Variants in PYGO1 observed in about 807,000 individuals in gnomAD.
The protein encoded by PYGO1 is pygopus family PHD finger 1.
In PYGO1, 6 loss-of-function variants were observed where a neutral mutation model predicts 29.5. That is an observed-to-expected ratio of 0.20 (90% CI 0.11 to 0.40). The LOEUF (loss-of-function observed/expected upper bound fraction) is 0.40. PYGO1 is among the 10% of genes least tolerant of loss of function. The probability of loss-of-function intolerance (pLI) is 1.00; values close to 1 mark genes in which losing one functional copy is unlikely to be tolerated. For missense variants in PYGO1, 515 were observed against 514.9 expected (o/e 1.00, Z 0.00); for synonymous variants, 186 against 180.5 (o/e 1.03, Z -0.24).
At position 55,543,079 on chromosome 15, in the gene PYGO1, GT is replaced by G. The variant is rs2058835125; in HGVS notation, c.*2943del. ...GGATGTTGGAGAAACTGTGGGGGGT[GT>G]GTGTGTGTGTGTGTGTGTGTAAGAT... On this transcript the variant is annotated 3_prime_UTR_variant, in exon 3 of 3. Coordinates refer to ENST00000563719, the MANE Select transcript of PYGO1 (RefSeq NM_001367806.1). 7.3e-6 allele frequency: 1 copy of G among 136,958 alleles called. No homozygotes were observed. Among genetic ancestry groups the G allele is most frequent in the Admixed American group, 7.0e-5 (1 of 14,304 alleles). The allele number at this position is 136,958 out of a possible 1,614,324, so 8.5% of individuals were successfully genotyped here.
chr15:55,554,728 T>C (rs1049643913), intron 1 of PYGO1, among the ~76,000 whole-genome samples: 1 of 152,068 alleles, frequency 6.6e-6, no homozygotes, highest in East Asian at 1.9e-4. Context: ...ATGATGTAAT[T>C]ACAAGTGTCA....
At chr15:55,576,936 T>C (rs531382642) in intron 1 of PYGO1, among the ~76,000 whole-genome samples, 1 of 151,462 alleles carries the variant, frequency 6.6e-6, no homozygotes, top group African/African-American at 2.4e-5. Flanking sequence ...AAGGGAAAGG[T>C]CAAGCTGAGA....
intron 1 of PYGO1, among the ~76,000 whole-genome samples, chr15:55,568,443 G>T (rs1046646278): frequency 6.6e-6 from 1 of 150,798 alleles, no homozygotes; most frequent in African/African-American, 2.4e-5. Context: ...GTTTTTGAAC[G>T]TTGATTTTGT....
chr15:55,546,054 A>G lies in PYGO1; in HGVS notation c.1229T>C (p.Phe410Ser), dbSNP rs952820470. 5.6e-6 allele frequency: 9 copies of G among 1,612,564 alleles called. No homozygotes were observed. In the Admixed American group the frequency reaches 1.5e-4, roughly 27 times the overall value. The part of the protein sequence containing the change: ...DVQLMRTRET[F>S]GPSAVGSDA ...ATCACTGCCCACTGCAGATGGACCA[A>G]AAGTTTCTCTAGTACGCATTAACTG... is the stretch of plus-strand genomic sequence containing the variant. Residue 410 changes from phenylalanine to serine, a missense_variant, in exon 3 of 3, where the codon TTT (phenylalanine) becomes TCT (serine). Coordinates refer to ENST00000563719, the MANE Select transcript of PYGO1 (RefSeq NM_001367806.1).
chr15:55,574,681 G>A (rs546381436), intron 1 of PYGO1, among the ~76,000 whole-genome samples: 2 of 151,366 alleles, frequency 1.3e-5, no homozygotes, highest in African/African-American at 2.4e-5. Flanking sequence ...TGTATGATAC[G>A]TAAACATATC....
chr15:55,565,443 C>T (rs1483109377), intron 1 of PYGO1, among the ~76,000 whole-genome samples: 1 of 152,010 alleles, frequency 6.6e-6, no homozygotes, highest in Non-Finnish European at 1.5e-5. Flanking sequence ...GTGGCTCATG[C>T]CTGTAATCCT....
chr15:55,587,366 T>C (rs1194727817), intron 1 of PYGO1, among the ~76,000 whole-genome samples: 2 of 143,284 alleles, frequency 1.4e-5, no homozygotes, highest in Non-Finnish European at 3.0e-5. Flanking sequence ...TTTGTTGCCT[T>C]TGCCGGGGTG....
At chr15:55,587,551 C>T (rs995033177) in intron 1 of PYGO1, among the ~76,000 whole-genome samples, 5 of 151,420 alleles carry the variant, frequency 3.3e-5, no homozygotes, top group Non-Finnish European at 7.4e-5. Flanking sequence ...GTCTTGAGAA[C>T]GAGGAGAGGT....
At chr15:55,572,701 A>T (rs925058202) in intron 1 of PYGO1, among the ~76,000 whole-genome samples, 1 of 152,138 alleles carries the variant, frequency 6.6e-6, no homozygotes, top group Non-Finnish European at 1.5e-5. Flanking sequence ...AAGCAAAAAC[A>T]ATGCTTAATC....
intron 1 of PYGO1, among the ~76,000 whole-genome samples, chr15:55,556,172 G>C (rs532213226): frequency 6.6e-6 from 1 of 152,238 alleles, no homozygotes; most frequent in East Asian, 1.9e-4. Flanking sequence ...GATATATACA[G>C]AATTTTCCAC....
intron 1 of PYGO1, among the ~76,000 whole-genome samples, chr15:55,554,195 T>C (rs1320204943): frequency 2.0e-5 from 3 of 151,934 alleles, no homozygotes; most frequent in Non-Finnish European, 2.9e-5. Context: ...ATGGGCACAG[T>C]GGCTCATGCC....
At chr15:55,548,521 C>T (rs973503400) in intron 2 of PYGO1, among the ~76,000 whole-genome samples, 1 of 151,300 alleles carries the variant, frequency 6.6e-6, no homozygotes, top group Non-Finnish European at 1.5e-5. Flanking sequence ...TCCTGATCAA[C>T]ATGGTGAAAG....
intron 1 of PYGO1, 25 bp downstream of exon 1, chr15:55,587,810 C>A: frequency 6.7e-7 from 1 of 1,482,190 alleles, no homozygotes; most frequent in Non-Finnish European, 8.9e-7. Context: ...CCCGGTTCCC[C>A]CAATCCGGCA....
At chr15:55,548,143 C>T (rs954691879) in intron 2 of PYGO1, among the ~76,000 whole-genome samples, 8 of 152,012 alleles carry the variant, frequency 5.3e-5, no homozygotes, top group South Asian at 2.1e-4. Context: ...CCTCAGCCTC[C>T]GCAATAGCTG....
chr15:55,556,014 T>G (rs561065396), intron 1 of PYGO1, among the ~76,000 whole-genome samples: 2 of 152,078 alleles, frequency 1.3e-5, no homozygotes, highest in South Asian at 4.2e-4. Flanking sequence ...AGCAAGTTTT[T>G]AGAGACCTAC....
intron 1 of PYGO1, among the ~76,000 whole-genome samples, chr15:55,568,320 C>CTGTGTGTGGGTGTG (rs2058965640): frequency 7.9e-6 from 1 of 125,828 alleles, no homozygotes; most frequent in African/African-American, 3.2e-5. Context: ...TTCCTAGGTA[C>CTGTGTGTGGGTGTG]TGTGTGTGTG....
intron 2 of PYGO1, among the ~76,000 whole-genome samples, chr15:55,548,239 C>T (rs938948669): frequency 5.9e-5 from 9 of 151,762 alleles, no homozygotes; most frequent in Middle Eastern, 3.4e-3. Flanking sequence ...AGTCTGGTCT[C>T]GAACTCCTGG....
At chr15:55,588,787 C>T (rs773618263), upstream of PYGO1, 8 of 1,612,530 alleles carry the variant, frequency 5.0e-6, no homozygotes, top group African/African-American at 1.3e-5. Context: ...AGCTAGGGAT[C>T]GGAAAGATGA....
chr15:55,588,782 G>C (rs535411788), upstream of PYGO1: 3 of 1,612,042 alleles, frequency 1.9e-6, no homozygotes, highest in Non-Finnish European at 2.5e-6. Flanking sequence ...CTCGCAGCTA[G>C]GGATCGGAAA....
Sources: gnomAD v4.1 joint callset for allele counts (sites outside exome capture counted in the v4.1 genomes callset) on GRCh38, gnomAD v4.1.1 for gene constraint, MANE v1.5 for transcripts, NCBI Gene and HGNC (gene_info 2026-07-23, HGNC 2026-07-21) for gene names.